DOT1L: variants seen among roughly 807,000 people sequenced by gnomAD.
DOT1L encodes the protein histone-lysine N-methyltransferase, H3 lysine-79 specific.
A neutral mutation model predicts 153.3 loss-of-function variants in DOT1L; 33 were observed. That is an observed-to-expected ratio of 0.22 (90% CI 0.16 to 0.29). The LOEUF is 0.29. Among genes scored for constraint, DOT1L ranks in the 10% least tolerant of loss-of-function variants. DOT1L has a pLI of 1.00. For missense variants in DOT1L, 1,847 were observed against 2,119.9 expected (o/e 0.87, Z 2.53); for synonymous variants, 1,135 against 965.1 (o/e 1.18, Z -3.26).
At chr19:2,183,972 T>C (rs927335751) in intron 2 of DOT1L, among the ~76,000 whole-genome samples, 1 of 152,160 alleles carries the variant, frequency 6.6e-6, no homozygotes, top group Admixed American at 6.5e-5. Context: ...GCTGCTAGTA[T>C]GTGTAAAGAC....
chr19:2,186,712 G>T (rs1029040825), intron 3 of DOT1L, among the ~76,000 whole-genome samples: 1 of 152,228 alleles, frequency 6.6e-6, no homozygotes, highest in Non-Finnish European at 1.5e-5. Context: ...CTCGAGCCCT[G>T]CCCATTCCCT....
intron 12 of DOT1L, among the ~76,000 whole-genome samples, chr19:2,210,089 G>A (rs746846205): frequency 6.6e-6 from 1 of 152,228 alleles, no homozygotes; most frequent in Admixed American, 6.5e-5. Context: ...GGGGCTTCTC[G>A]TCTCCTGTCT....
intron 16 of DOT1L, chr19:2,212,856 A>T (rs1220292996): frequency 1.3e-5 from 2 of 152,220 alleles, no homozygotes; most frequent in Non-Finnish European, 1.5e-5. Flanking sequence ...GTCTCCGAGG[A>T]CCTGCTTTAG....
At chr19:2,227,920 C>T (rs1421516240) in intron 27 of DOT1L, 3 of 1,213,538 alleles carry the variant, frequency 2.5e-6, no homozygotes, top group Admixed American at 3.3e-5. Context: ...CCGCCTCCGC[C>T]TCCGCCTCCC....
intron 1 of DOT1L, 117 bp downstream of exon 1, chr19:2,164,382 T>A: frequency 1.7e-6 from 1 of 591,838 alleles, no homozygotes; most frequent in Non-Finnish European, 2.4e-6. Context: ...ACGGAGACCC[T>A]GGACTCCACT....
intron 1 of DOT1L, among the ~76,000 whole-genome samples, chr19:2,178,980 C>T (rs1022978916): frequency 6.6e-6 from 1 of 152,218 alleles, no homozygotes; most frequent in Non-Finnish European, 1.5e-5. Flanking sequence ...GCTGTGGCCT[C>T]AGTGGCATAT....
intron 7 of DOT1L, among the ~76,000 whole-genome samples, chr19:2,195,192 G>C (rs2022965131): frequency 6.6e-6 from 1 of 152,044 alleles, no homozygotes; most frequent in Non-Finnish European, 1.5e-5. Flanking sequence ...CAGTTTTCCT[G>C]ACCCAGGTTG....
intron 22 of DOT1L, among the ~76,000 whole-genome samples, chr19:2,218,603 C>T (rs1442297308): frequency 1.3e-5 from 2 of 151,986 alleles, no homozygotes; most frequent in Non-Finnish European, 2.9e-5. Flanking sequence ...CCGTGTTAGC[C>T]AGGATGGTCT....
At position 2,191,852 on chromosome 19, in the gene DOT1L, C is replaced by T. The variant is rs1159505672; in HGVS notation, c.493+612C>T. Among the ~76,000 whole-genome samples the T allele has an allele frequency of 6.6e-6, 1 of 152,196 alleles. No individual in the cohort carries two copies. Among genetic ancestry groups the T allele is most frequent in the Non-Finnish European group, 1.5e-5 (1 of 68,038 alleles). On this transcript the variant is annotated intron_variant, in intron 5 of 27. Transcript: ENST00000398665. This position sits in a 1 kb window ranked among gnomAD's most constrained non-coding sequence, Gnocchi z 6.8. The stretch of plus-strand genomic sequence containing the variant: ...CACTCAGACTCTGCTTGTGAGGTGT[C>T]GTCTCCTCTCAACCACGGGCGGGGC...
intron 27 of DOT1L, 26 bp from the exon 28 acceptor site, chr19:2,229,759 G>C (rs373863097): frequency 6.2e-7 from 1 of 1,612,976 alleles, no homozygotes; most frequent in Non-Finnish European, 8.5e-7. Context: ...ACCTCAGGCC[G>C]CTCTTCCCGC....
rs1023510988 is a variant in DOT1L, at chr19:2,221,644, C to T, written c.2807-332C>T. On this transcript the variant is annotated intron_variant, in intron 23 of 27. Coordinates refer to ENST00000398665, the MANE Select transcript of DOT1L (RefSeq NM_032482.3). ...TTTCCTCATGGTGTCTCTGAGATCA[C>T]GGGGCCAGAGGGCAACTTACTCAGA... 4.1e-5 allele frequency: 15 copies of T among 367,738 alleles called. 1 individual carries two copies. The highest frequency in any genetic ancestry group is 1.2e-4 in the East Asian group (3 of 24,216). The allele number at this position is 367,738 out of a possible 1,614,324, so 22.8% of individuals were successfully genotyped here.
At chr19:2,229,487 G>C (rs2024507817) in intron 27 of DOT1L, 2 of 985,374 alleles carry the variant, frequency 2.0e-6, no homozygotes, top group African/African-American at 1.7e-5. Context: ...AAGCTATGCT[G>C]GGTCTCTTAG....
At chr19:2,167,972 T>C (rs909454942) in intron 1 of DOT1L, among the ~76,000 whole-genome samples, 1 of 152,110 alleles carries the variant, frequency 6.6e-6, no homozygotes, top group African/African-American at 2.4e-5. Flanking sequence ...TGACCTCAGG[T>C]GATCCGTCCA....
In DOT1L at chr19:2,206,806, C is replaced by T. The variant is rs764682973; in HGVS notation, c.856+9C>T. The T allele has an allele frequency of 1.9e-6, 3 of 1,612,714 alleles. No homozygotes were observed. Among genetic ancestry groups the T allele is most frequent in the South Asian group, 1.1e-5 (1 of 91,052 alleles). The stretch of plus-strand genomic sequence containing the variant: ...CAGTAGAAACTTGAGTGGTAAGAAA[C>T]TCTCATGTTGTTAATGATGAACACG... On this transcript the variant is annotated intron_variant, in intron 10 of 27. Transcript: ENST00000398665.
chr19:2,210,551 C>T, intron 13 of DOT1L, 41 bp downstream of exon 13: 1 of 1,589,144 alleles, frequency 6.3e-7, no homozygotes, highest in Non-Finnish European at 8.6e-7. Context: ...AGGGCACCCG[C>T]CCCCTGCCCG....
rs1599534792 is a variant in DOT1L at position 2,174,775 on chromosome 19, T to C, written c.82-5938T>C. On this transcript the variant is annotated intron_variant, in intron 1 of 27. Coordinates refer to ENST00000398665, the MANE Select transcript of DOT1L (RefSeq NM_032482.3). The stretch of plus-strand genomic sequence containing the variant: ...GCTGAGACTACAGGTGTACCTGTCA[T>C]GCCCAGCTAGTTAAAAAAAAAAAAA... Among the ~76,000 whole-genome samples, 4 of 149,416 alleles carry C rather than the reference T, an allele frequency of 2.7e-5. No individual in the cohort carries two copies. In the East Asian group the frequency reaches 7.9e-4, roughly 29 times the overall value.
chr19:2,209,069 G>A (rs1216434367), intron 12 of DOT1L, 93 bp downstream of exon 12: 12 of 1,439,494 alleles, frequency 8.3e-6, no homozygotes, highest in African/African-American at 1.4e-5. Flanking sequence ...CAGGAGCCAC[G>A]ACTGGAGCAC....
chr19:2,225,085 T>A (rs576255820), intron 25 of DOT1L, among the ~76,000 whole-genome samples: 1 of 152,308 alleles, frequency 6.6e-6, no homozygotes, highest in East Asian at 1.9e-4. Flanking sequence ...ATTCTCACAC[T>A]TCTGTGTGCT....
rs956113288 is a variant in DOT1L at position 2,217,993 on chromosome 19, C to T, written c.2691+75C>T. 1.3e-6 allele frequency: 2 copies of T among 1,546,672 alleles called. No individual in the cohort carries two copies. Among genetic ancestry groups the T allele is most frequent in the Admixed American group, 1.9e-5 (1 of 54,030 alleles). ...AGTCTGGGGTGCTCGAGACCTGGCT[C>T]ACTTTGCGAAGTCTCACGCTGTAAA... is the stretch of plus-strand genomic sequence containing the variant. On this transcript the variant is annotated intron_variant, in intron 22 of 27. Transcript: ENST00000398665. The surrounding 1 kb of genome is among the most constrained non-coding windows in gnomAD (Gnocchi z 7.3).
Sources: gnomAD v4.1 joint callset for allele counts (sites outside exome capture counted in the v4.1 genomes callset) on GRCh38, gnomAD v4.1.1 for gene constraint, Gnocchi (gnomAD v3.1) non-coding constraint, MANE v1.5 for transcripts, NCBI Gene and HGNC (gene_info 2026-07-23, HGNC 2026-07-21) for gene names.